SPATA17: variants seen among roughly 807,000 people sequenced by gnomAD.
SPATA17 encodes spermatogenesis associated 17.
Under a neutral mutation model 62.2 loss-of-function variants are expected in SPATA17, and 53 were observed. The observed-to-expected ratio is 0.85, with a 90% CI of 0.68 to 1.07. The LOEUF is 1.07. Among genes scored for constraint, SPATA17 ranks in the 50% least tolerant of loss-of-function variants. The probability of loss-of-function intolerance (pLI) is 0.00; values close to 1 mark genes in which losing one functional copy is unlikely to be tolerated. For missense variants in SPATA17, 466 were observed against 425.5 expected (o/e 1.10, Z -0.84); for synonymous variants, 146 against 146.8 (o/e 0.99, Z 0.04).
chr1:217,862,663 A>G, intron 9 of SPATA17, 111 bp from the exon 10 acceptor site: 1 of 755,672 alleles, frequency 1.3e-6, no homozygotes, highest in Non-Finnish European at 2.1e-6. Flanking sequence ...GGAAATTTGA[A>G]GTGCAGTTGA....
chr1:217,705,473 G>A (rs1360451860), intron 5 of SPATA17, among the ~76,000 whole-genome samples: 1 of 105,430 alleles, frequency 9.5e-6, no homozygotes, highest in African/African-American at 3.8e-5. Flanking sequence ...ATGGAGTCTC[G>A]CTCCATCACC....
intron 9 of SPATA17, among the ~76,000 whole-genome samples, chr1:217,850,791 T>A (rs1405903696): frequency 6.6e-6 from 1 of 152,150 alleles, no homozygotes; most frequent in Non-Finnish European, 1.5e-5. Flanking sequence ...ATGTGGTAGA[T>A]GTAGGATATA....
intron 9 of SPATA17, among the ~76,000 whole-genome samples, chr1:217,850,853 G>C (rs1470215282): frequency 6.6e-6 from 1 of 152,084 alleles, no homozygotes; most frequent in Non-Finnish European, 1.5e-5. Flanking sequence ...TAGTGGATGA[G>C]ATGAAATTTG....
chr1:217,849,625 C>G (rs892834223), intron 9 of SPATA17, among the ~76,000 whole-genome samples: 2 of 152,030 alleles, frequency 1.3e-5, no homozygotes, highest in Non-Finnish European at 2.9e-5. Context: ...CTGTTCTCAC[C>G]GTTCAGTATG....
At chr1:217,799,269 G>A (rs189423939) in intron 8 of SPATA17, among the ~76,000 whole-genome samples, 1 of 152,238 alleles carries the variant, frequency 6.6e-6, no homozygotes, top group East Asian at 1.9e-4. Flanking sequence ...CACGAGCAGG[G>A]AAATACCCAG....
chr1:217,797,976 G>A (rs1258057533), intron 8 of SPATA17, among the ~76,000 whole-genome samples: 1 of 152,140 alleles, frequency 6.6e-6, no homozygotes, highest in African/African-American at 2.4e-5. Context: ...TCCCTATTTA[G>A]GAGTTCCTGT....
chr1:217,731,595 C>T (rs1672403504), intron 5 of SPATA17, among the ~76,000 whole-genome samples: 1 of 152,164 alleles, frequency 6.6e-6, no homozygotes, highest in Non-Finnish European at 1.5e-5. Context: ...AAATATAAAT[C>T]TGATCACCAT....
intron 7 of SPATA17, among the ~76,000 whole-genome samples, chr1:217,780,863 G>A (rs923523073): frequency 5.3e-5 from 8 of 151,828 alleles, no homozygotes; most frequent in South Asian, 4.2e-4. Context: ...GATGAACATC[G>A]GCATAGAGAA....
chr1:217,647,733 T>A (rs1670218740), intron 1 of SPATA17, among the ~76,000 whole-genome samples: 1 of 151,774 alleles, frequency 6.6e-6, no homozygotes, highest in Non-Finnish European at 1.5e-5. Context: ...AAATTTTTTT[T>A]TTTATTTTGA....
intron 1 of SPATA17, 41 bp downstream of exon 1, chr1:217,631,487 A>G: frequency 6.2e-7 from 1 of 1,600,620 alleles, no homozygotes; most frequent in Non-Finnish European, 8.6e-7. Flanking sequence ...GGCGGGCGTG[A>G]CTTTATACCA....
chr1:217,674,045 C>T (rs1670891463), intron 4 of SPATA17, among the ~76,000 whole-genome samples: 1 of 152,012 alleles, frequency 6.6e-6, no homozygotes, highest in Non-Finnish European at 1.5e-5. Context: ...GGAAAATAAC[C>T]CAAGACCAAG....
intron 9 of SPATA17, among the ~76,000 whole-genome samples, chr1:217,817,023 G>A (rs148153589): frequency 2.1e-4 from 32 of 152,106 alleles, no homozygotes; most frequent in African/African-American, 7.5e-4. Context: ...TAGTCTTACA[G>A]GGAATGGGGC....
At chr1:217,703,161 C>CTGGCATATTTCATTACTTTTTATCCT (rs1366879943) in intron 5 of SPATA17, among the ~76,000 whole-genome samples, 1 of 131,558 alleles carries the variant, frequency 7.6e-6, no homozygotes, top group Non-Finnish European at 1.6e-5. Context: ...AGGCGTGAGC[C>CTGGCATATTTCATTACTTTTTATCCT]ATTGCGCTCG....
chr1:217,694,360 T>C (rs1166604696), intron 5 of SPATA17, among the ~76,000 whole-genome samples: 1 of 145,642 alleles, frequency 6.9e-6, no homozygotes, highest in Admixed American at 6.8e-5. Flanking sequence ...TCTTCCTCCA[T>C]CCTTTTATTT....
chr1:217,866,471 T>C (rs1302735811), intron 10 of SPATA17: 1 of 152,336 alleles, frequency 6.6e-6, no homozygotes, highest in African/African-American at 2.4e-5. Context: ...GTTTTTGTTT[T>C]TTTCAGAGAG....
intron 4 of SPATA17, among the ~76,000 whole-genome samples, chr1:217,673,157 G>C (rs1406217282): frequency 6.6e-6 from 1 of 152,030 alleles, no homozygotes; most frequent in African/African-American, 2.4e-5. Flanking sequence ...AGATAAACTG[G>C]ATTTGGTAAG....
Position 217,742,091 on chromosome 1 carries a change from C to T in SPATA17, c.512C>T (p.Thr171Ile). The part of the protein sequence containing the change: ...QARKMHYLLS[T>I]KQIPGIYNSP... ...CGAAAGATGCATTACCTCCTCAGCA[C>T]AAAGCAGGTTGGTTTACCTGTCCCT... is the stretch of plus-strand genomic sequence containing the variant. Residue 171 changes from threonine to isoleucine, a missense_variant, in exon 6 of 11, where the codon ACA (threonine) becomes ATA (isoleucine). By Grantham distance (89) the Thr-to-Ile change is moderately conservative. Transcript: ENST00000366933. 6.2e-7 allele frequency: 1 copy of T among 1,614,020 alleles called. No individual in the cohort carries two copies. The highest frequency in any genetic ancestry group is 2.2e-5 in the East Asian group (1 of 44,882).
At chr1:217,689,181 T>C (rs184151046) in intron 5 of SPATA17, among the ~76,000 whole-genome samples, 1 of 150,208 alleles carries the variant, frequency 6.7e-6, no homozygotes. Context: ...AGAGCAAAAG[T>C]ACAATATAAT....
intron 4 of SPATA17, among the ~76,000 whole-genome samples, chr1:217,676,155 C>A (rs879467096): frequency 2.0e-5 from 3 of 152,066 alleles, no homozygotes; most frequent in Non-Finnish European, 4.4e-5. Flanking sequence ...TGGCTCATGA[C>A]GAAAAACCTC....
Sources: gnomAD v4.1 joint callset for allele counts (sites outside exome capture counted in the v4.1 genomes callset) on GRCh38, gnomAD v4.1.1 for gene constraint, MANE v1.5 for transcripts, NCBI Gene and HGNC (gene_info 2026-07-23, HGNC 2026-07-21) for gene names.